PARD3B: variants seen among roughly 807,000 people sequenced by gnomAD.
PARD3B encodes the protein par-3 family cell polarity regulator beta, also known as partitioning defective 3 homolog B.
Under a neutral mutation model 130.2 loss-of-function variants are expected in PARD3B, and 103 were observed. The ratio of observed to expected loss-of-function variants is 0.79; its 90% CI spans 0.67 to 0.93. The LOEUF (loss-of-function observed/expected upper bound fraction) is 0.93, where lower values mean the gene tolerates loss of function less well. PARD3B is among the 40% of genes least tolerant of loss of function. The probability of loss-of-function intolerance (pLI) is 0.00; values close to 1 mark genes in which losing one functional copy is unlikely to be tolerated. For synonymous variants in PARD3B, 583 were observed against 553.2 expected (o/e 1.05, Z -0.76); for missense variants, 1,609 against 1,499.2 (o/e 1.07, Z -1.21).
intron 22 of PARD3B, among the ~76,000 whole-genome samples, chr2:205,607,777 T>G (rs1331285505): frequency 6.6e-6 from 1 of 150,892 alleles, no homozygotes; most frequent in East Asian, 2.0e-4. Flanking sequence ...CGTGGCAGGA[T>G]TCTCCTGTGT....
chr2:205,446,864 G>A lies in PARD3B; in HGVS notation c.3044+6192G>A, dbSNP rs933600923. Among the ~76,000 whole-genome samples, 3 of 152,164 alleles carry A rather than the reference G, an allele frequency of 2.0e-5. No homozygotes were observed. Among genetic ancestry groups the A allele is most frequent in the Non-Finnish European group, 4.4e-5 (3 of 68,022 alleles). On this transcript the variant is annotated intron_variant, in intron 20 of 22. Transcript: ENST00000406610. The surrounding 1 kb of genome is among the most constrained non-coding windows in gnomAD (Gnocchi z 4.4). ...CATTGAAAGGGCTCCCAGAGTGTAT[G>A]AACATGAAAACTTTATGTCTGGATG... is the stretch of plus-strand genomic sequence containing the variant.
chr2:205,426,148 A>G (rs2047138092), intron 19 of PARD3B, among the ~76,000 whole-genome samples: 1 of 152,188 alleles, frequency 6.6e-6, no homozygotes, highest in Non-Finnish European at 1.5e-5. Context: ...GAATGAGGCA[A>G]TGGTGAAAAA....
At position 205,116,747 on chromosome 2, in the gene PARD3B, T is replaced by C. The variant is rs984952332; in HGVS notation, c.681-2174T>C. 2.6e-5 allele frequency among the ~76,000 whole-genome samples: 4 copies of C among 152,248 alleles called. No homozygotes were observed. In the East Asian group the frequency reaches 7.7e-4, roughly 29 times the overall value. ...TTCCACGGAGCAGAGAGGGCAGAAGTGGTTTGTTGCCAGGGACCAAACTAA... is the reference window on the plus strand; with the variant it reads ...TTCCACGGAGCAGAGAGGGCAGAAGCGGTTTGTTGCCAGGGACCAAACTAA... On this transcript the variant is annotated intron_variant, in intron 6 of 22. Transcript: ENST00000406610. The surrounding 1 kb of genome is among the most constrained non-coding windows in gnomAD (Gnocchi z 4.5).
chr2:205,579,321 GCT>G (rs2053878322), intron 22 of PARD3B, among the ~76,000 whole-genome samples: 1 of 152,082 alleles, frequency 6.6e-6, no homozygotes, highest in Non-Finnish European at 1.5e-5. Context: ...GCTTTTCCTG[GCT>G]CTCTCATCCT....
intron 4 of PARD3B, among the ~76,000 whole-genome samples, chr2:205,087,094 T>C (rs1173265639): frequency 6.6e-6 from 1 of 152,228 alleles, no homozygotes; most frequent in Non-Finnish European, 1.5e-5. Flanking sequence ...TATTTTTTCA[T>C]ATTTTTTAAT....
In PARD3B at chr2:205,275,131, A is replaced by C. The variant is rs528912782; in HGVS notation, c.2186-25399A>C. ...GGAAGTGACTGAAGGGGTAATATAT[A>C]ATCACAAATCAAACCCAAGGCCACT... On this transcript the variant is annotated intron_variant, in intron 16 of 22. Transcript: ENST00000406610. Among the ~76,000 whole-genome samples, 10 of 152,200 alleles carry C rather than the reference A, an allele frequency of 6.6e-5. No homozygotes were observed. The East Asian group carries it at 1.9e-3, about 29-fold the overall frequency.
chr2:204,952,996 C>CA (rs5837946), intron 2 of PARD3B, among the ~76,000 whole-genome samples: 39,794 of 103,240 alleles, frequency 0.39, 6,699 homozygotes, highest in South Asian at 0.6. Flanking sequence ...GACTCAGTCT[C>CA]AAAAAAAAAA....
At chr2:205,533,706 T>C (rs2051704978) in intron 21 of PARD3B, among the ~76,000 whole-genome samples, 1 of 152,058 alleles carries the variant, frequency 6.6e-6, no homozygotes, top group Admixed American at 6.6e-5. Context: ...GATTTTAACA[T>C]TCAATGGTTT....
chr2:204,726,191 G>A (rs1383192718), intron 2 of PARD3B, among the ~76,000 whole-genome samples: 8 of 152,134 alleles, frequency 5.3e-5, no homozygotes, highest in Admixed American at 3.9e-4. Context: ...TATGTTGGGT[G>A]GTGACAGATA....
chr2:205,555,212 T>C (rs1350350209), intron 22 of PARD3B, among the ~76,000 whole-genome samples: 1 of 152,190 alleles, frequency 6.6e-6, no homozygotes, highest in African/African-American at 2.4e-5. Flanking sequence ...AGTGTTTGGG[T>C]ACAATTCAGA....
chr2:204,640,465 CTGCCA>C (rs2035037405), intron 1 of PARD3B, among the ~76,000 whole-genome samples: 1 of 152,162 alleles, frequency 6.6e-6, no homozygotes. Flanking sequence ...GTGGGGTTGG[CTGCCA>C]TGTCTTTACC....
At chr2:205,175,342 A>C (rs10181360) in intron 12 of PARD3B, among the ~76,000 whole-genome samples, 46,842 of 152,114 alleles carry the variant, frequency 0.31, 7,696 homozygotes, top group Middle Eastern at 0.49. Flanking sequence ...TTTGACTAGC[A>C]GTTCAGAAGA....
chr2:204,962,000 A>G (rs1170890849), intron 2 of PARD3B, among the ~76,000 whole-genome samples: 1 of 152,098 alleles, frequency 6.6e-6, no homozygotes, highest in African/African-American at 2.4e-5. Context: ...ATGGGGTGGG[A>G]CCTGTGGTAA....
At position 205,435,102 on chromosome 2, in the gene PARD3B, A is replaced by C. The variant is rs375125469; in HGVS notation, c.2742-5268A>C. Reference sequence around the variant, plus strand: ...TTTTTTAATTATCTTAAAAATATAGAAAATGCAAATAGCACATAAGGTATA... The same window carrying C: ...TTTTTTAATTATCTTAAAAATATAGCAAATGCAAATAGCACATAAGGTATA... On this transcript the variant is annotated intron_variant, in intron 19 of 22. Coordinates refer to ENST00000406610, the MANE Select transcript of PARD3B (RefSeq NM_001302769.2). Among the ~76,000 whole-genome samples, 11 of 152,254 alleles carry C rather than the reference A, an allele frequency of 7.2e-5. No homozygotes were observed. The South Asian group carries it at 1.0e-3, about 14-fold the overall frequency.
intron 16 of PARD3B, among the ~76,000 whole-genome samples, chr2:205,286,373 T>A (rs571928451): frequency 9.2e-5 from 14 of 152,326 alleles, no homozygotes; most frequent in Non-Finnish European, 1.8e-4. Context: ...ATCATTATCA[T>A]CATCAATATG....
At chr2:205,380,219 T>TTATATATTATGTAAAGAATATATATTA in intron 18 of PARD3B, among the ~76,000 whole-genome samples, 1 of 107,524 alleles carries the variant, frequency 9.3e-6, no homozygotes, top group Non-Finnish European at 1.7e-5. Flanking sequence ...AGAATATATA[T>TTATATATTATGTAAAGAATATATATTA]TATATATTAT....
chr2:205,307,368 A>C (rs2042222066), intron 18 of PARD3B, among the ~76,000 whole-genome samples: 1 of 152,234 alleles, frequency 6.6e-6, no homozygotes, highest in Non-Finnish European at 1.5e-5. Context: ...TGCATGATTC[A>C]AGTGTGATTC....
chr2:204,881,138 A>C (rs1218872677), intron 2 of PARD3B, among the ~76,000 whole-genome samples: 2 of 152,192 alleles, frequency 1.3e-5, no homozygotes, highest in Admixed American at 6.5e-5. Flanking sequence ...TGCGTTAGAA[A>C]ACCATGAGCG....
chr2:205,497,371 T>C lies in PARD3B; in HGVS notation c.3045-2525T>C, dbSNP rs377472387. Among the ~76,000 whole-genome samples the C allele has an allele frequency of 3.3e-5, 5 of 150,802 alleles. No homozygotes were observed. In the East Asian group the frequency reaches 9.8e-4, roughly 30 times the overall value. ...AGAGGTACATCATCCAGTTTGCAAT[T>C]AACTTACCATCTAGTTTGAGAAGAA... On this transcript the variant is annotated intron_variant, in intron 20 of 22. Coordinates refer to ENST00000406610, the MANE Select transcript of PARD3B (RefSeq NM_001302769.2).
Sources: allele counts gnomAD v4.1 joint callset (sites outside exome capture counted in the v4.1 genomes callset), GRCh38; gene constraint gnomAD v4.1.1; non-coding constraint Gnocchi (gnomAD v3.1); transcripts MANE v1.5; gene names NCBI Gene and HGNC (gene_info 2026-07-23, HGNC 2026-07-21).